RSRC1: variants seen among roughly 807,000 people sequenced by gnomAD.
The protein encoded by RSRC1 is serine/Arginine-related protein 53.
Under a neutral mutation model 49.1 loss-of-function variants are expected in RSRC1, and 39 were observed. The ratio of observed to expected loss-of-function variants is 0.79; its 90% CI spans 0.61 to 1.04. The LOEUF (loss-of-function observed/expected upper bound fraction) is 1.04. Among genes scored for constraint, RSRC1 ranks in the 50% least tolerant of loss-of-function variants. The pLI is 0.00. For missense variants in RSRC1, 388 were observed against 402.4 expected, an observed-to-expected ratio of 0.96 and a Z score of 0.31; for synonymous variants, 143 against 130.8, an observed-to-expected ratio of 1.09 and a Z score of -0.63.
intron 7 of RSRC1, among the ~76,000 whole-genome samples, chr3:158,529,185 A>G (rs1254350393): frequency 7.1e-6 from 1 of 141,232 alleles, no homozygotes. Context: ...TAAAATATAT[A>G]TATTTTATGT....
intron 7 of RSRC1, among the ~76,000 whole-genome samples, chr3:158,533,087 C>G (rs1432683404): frequency 6.6e-6 from 1 of 151,708 alleles, no homozygotes; most frequent in Non-Finnish European, 1.5e-5. Context: ...GGGTTATACT[C>G]AAGACATACA....
At chr3:158,349,724 G>T (rs1350979691) in intron 5 of RSRC1, among the ~76,000 whole-genome samples, 1 of 131,794 alleles carries the variant, frequency 7.6e-6, no homozygotes, top group Non-Finnish European at 1.5e-5. Context: ...TTGAGACAGG[G>T]TCTCCCTTTG....
chr3:158,357,901 T>A (rs891827566), intron 6 of RSRC1, among the ~76,000 whole-genome samples: 8 of 152,218 alleles, frequency 5.3e-5, no homozygotes, highest in Admixed American at 4.6e-4. Flanking sequence ...ACTTGATAGA[T>A]AAGGTTAATA....
chr3:158,303,852 G>A (rs892971001), intron 5 of RSRC1, among the ~76,000 whole-genome samples: 11 of 152,246 alleles, frequency 7.2e-5, no homozygotes, highest in East Asian at 1.9e-4. Flanking sequence ...TGGTTCAGAT[G>A]TTAAGTTGTA....
chr3:158,238,290 C>A (rs955097315), intron 4 of RSRC1, among the ~76,000 whole-genome samples: 19 of 152,140 alleles, frequency 1.2e-4, no homozygotes, highest in Non-Finnish European at 1.8e-4. Flanking sequence ...GGCCACACTG[C>A]CCAAGGTAAT....
At position 158,512,486 on chromosome 3, in the gene RSRC1, G is replaced by C. The variant is rs538778021; in HGVS notation, c.653-24606G>C. 2.5e-4 allele frequency among the ~76,000 whole-genome samples: 38 copies of C among 152,146 alleles called. No individual in the cohort carries two copies. In the East Asian group the frequency reaches 4.3e-3, roughly 17 times the overall value. On this transcript the variant is annotated intron_variant, in intron 7 of 9. Coordinates refer to ENST00000611884, the MANE Select transcript of RSRC1 (RefSeq NM_001271838.2). ...TCCATTGATCTATATCTGTGTTTTG[G>C]TACCAGTACCATGCTGTTTTGTTTA...
At chr3:158,173,339 T>C (rs760048670) in intron 3 of RSRC1, among the ~76,000 whole-genome samples, 3 of 152,030 alleles carry the variant, frequency 2.0e-5, no homozygotes, top group Admixed American at 6.6e-5. Context: ...TATTTTTAAC[T>C]AAGTCAGTAG....
rs971355448 is a variant in RSRC1, at chr3:158,363,231, A to G, written c.583+8323A>G. Among the ~76,000 whole-genome samples, 6 of 150,992 alleles carry G rather than the reference A, an allele frequency of 4.0e-5. No individual in the cohort carries two copies. The South Asian group carries it at 1.3e-3, about 32-fold the overall frequency. ...TAATAAGTGATAGAATCAGGACTTA[A>G]CTCCAGTGATTTCTGACTCTCCAGC... On this transcript the variant is annotated intron_variant, in intron 6 of 9. Transcript: ENST00000611884.
At chr3:158,167,421 G>A (rs564475164) in intron 3 of RSRC1, among the ~76,000 whole-genome samples, 1 of 152,200 alleles carries the variant, frequency 6.6e-6, no homozygotes, top group South Asian at 2.1e-4. Flanking sequence ...AAACTCCTGG[G>A]CTCAAGTGAT....
At chr3:158,444,708 A>T (rs1233433495) in intron 6 of RSRC1, among the ~76,000 whole-genome samples, 2 of 152,208 alleles carry the variant, frequency 1.3e-5, no homozygotes, top group Non-Finnish European at 2.9e-5. Flanking sequence ...AACTACCATC[A>T]GAGTGAACAG....
intron 6 of RSRC1, among the ~76,000 whole-genome samples, chr3:158,431,133 GC>G (rs1735753540): frequency 6.6e-6 from 1 of 151,872 alleles, no homozygotes; most frequent in Non-Finnish European, 1.5e-5. Flanking sequence ...TACTGGTACA[GC>G]TATTTCCTGA....
chr3:158,242,241 C>T (rs981405659), intron 4 of RSRC1, among the ~76,000 whole-genome samples: 1 of 151,938 alleles, frequency 6.6e-6, no homozygotes, highest in East Asian at 1.9e-4. Flanking sequence ...TGTGTTGTTT[C>T]CCACCATGTG....
intron 7 of RSRC1, among the ~76,000 whole-genome samples, chr3:158,491,192 A>G (rs1739070190): frequency 1.3e-5 from 2 of 152,246 alleles, no homozygotes; most frequent in African/African-American, 4.8e-5. Context: ...ATAGCCCAGA[A>G]GAAAGAGGTG....
At chr3:158,138,950 TTAGTC>T (rs1716567391) in intron 3 of RSRC1, among the ~76,000 whole-genome samples, 1 of 152,192 alleles carries the variant, frequency 6.6e-6, no homozygotes, top group Non-Finnish European at 1.5e-5. Context: ...TTCATTTTGT[TTAGTC>T]TATGTTTCAC....
intron 6 of RSRC1, among the ~76,000 whole-genome samples, chr3:158,432,454 T>C (rs1735817277): frequency 6.6e-6 from 1 of 151,972 alleles, no homozygotes; most frequent in African/African-American, 2.4e-5. Flanking sequence ...TGTCGATTTT[T>C]ACCTTTGCTT....
intron 7 of RSRC1, among the ~76,000 whole-genome samples, chr3:158,493,064 T>G (rs1739153337): frequency 6.6e-6 from 1 of 152,180 alleles, no homozygotes; most frequent in African/African-American, 2.4e-5. Context: ...AGTCATAGTA[T>G]TTTAATTAAC....
At chr3:158,178,456 A>C (rs977171820) in intron 3 of RSRC1, among the ~76,000 whole-genome samples, 1 of 152,156 alleles carries the variant, frequency 6.6e-6, no homozygotes, top group Admixed American at 6.5e-5. Context: ...AAGCTATTTT[A>C]GTCTCCTATT....
intron 7 of RSRC1, among the ~76,000 whole-genome samples, chr3:158,528,915 A>G (rs1348178749): frequency 1.3e-5 from 2 of 151,892 alleles, no homozygotes; most frequent in African/African-American, 4.8e-5. Context: ...AACCAAATTC[A>G]TGGAAACCAT....
intron 5 of RSRC1, among the ~76,000 whole-genome samples, chr3:158,352,640 G>A (rs1038384348): frequency 2.0e-5 from 3 of 152,020 alleles, no homozygotes; most frequent in African/African-American, 7.2e-5. Flanking sequence ...CTTGAATCTG[G>A]CCCGTAAAAG....
Sources: gnomAD v4.1 joint callset for allele counts (sites outside exome capture counted in the v4.1 genomes callset) on GRCh38, gnomAD v4.1.1 for gene constraint, MANE v1.5 for transcripts, NCBI Gene and HGNC (gene_info 2026-07-23, HGNC 2026-07-21) for gene names.